Variants in MGME1 observed in about 807,000 individuals in gnomAD.
MGME1 encodes the protein mitochondrial genome maintenance exonuclease 1.
A neutral mutation model predicts 33.0 loss-of-function variants in MGME1; 22 were observed. The observed-to-expected ratio is 0.67, with a 90% confidence interval of 0.48 to 0.95. The LOEUF is 0.95. Ranked by LOEUF, MGME1 falls within the 40% of genes least tolerant of loss-of-function variation. MGME1 has a pLI of 0.00. For missense variants in MGME1, 383 were observed against 397.8 expected, an observed-to-expected ratio of 0.96 and a Z score of 0.32; for synonymous variants, 133 against 144.0, an observed-to-expected ratio of 0.92 and a Z score of 0.55.
At chr20:17,974,805 C>T (rs1278775699) in intron 2 of MGME1, among the ~76,000 whole-genome samples, 5 of 151,966 alleles carry the variant, frequency 3.3e-5, no homozygotes, top group Non-Finnish European at 5.9e-5. Flanking sequence ...AAAAAAAATA[C>T]AGGAGAAGAA....
rs1052444462 is a variant in MGME1, at chr20:17,975,442, A to G, written c.512-242A>G. Reference sequence around the variant, plus strand: ...CACGGTGGCGGGCGCCTGTAATCCCAGCTACTCAGGAGGCTGAGGCAGGAG... The same window carrying G: ...CACGGTGGCGGGCGCCTGTAATCCCGGCTACTCAGGAGGCTGAGGCAGGAG... On this transcript the variant is annotated intron_variant, in intron 2 of 4. Coordinates refer to ENST00000377710, the MANE Select transcript of MGME1 (RefSeq NM_052865.4). Among the ~76,000 whole-genome samples the G allele has an allele frequency of 4.6e-5, 7 of 152,046 alleles. No homozygotes were observed. The South Asian group carries it at 1.2e-3, about 27-fold the overall frequency.
rs1327990268 is a variant in MGME1 at position 17,988,202 on chromosome 20, GA to G, written c.771del (p.Lys257AsnfsTer23). 1.2e-6 allele frequency: 2 copies of G among 1,614,090 alleles called. No individual in the cohort carries two copies. Among genetic ancestry groups the G allele is most frequent in the Admixed American group, 3.3e-5 (2 of 60,006 alleles). ...LCVIDWKTSE[K>X]PKPFIQSTFD... ...GTGTGATTGATTGGAAGACATCAGAGAAACCAAAGCCTTTTATTCAAAGTAC... is the reference window on the plus strand; with the variant it reads ...GTGTGATTGATTGGAAGACATCAGAGAACCAAAGCCTTTTATTCAAAGTAC... On this transcript the variant is annotated frameshift_variant, in exon 4 of 5. Coordinates refer to ENST00000377710, the MANE Select transcript of MGME1 (RefSeq NM_052865.4). LOFTEE classifies it high-confidence loss of function.
chr20:17,985,987 G>C (rs961923170), intron 3 of MGME1, among the ~76,000 whole-genome samples: 1 of 151,952 alleles, frequency 6.6e-6, no homozygotes, highest in African/African-American at 2.4e-5. Context: ...ACTCAAGATT[G>C]CTTTGGCTAT....
chr20:17,988,055 C>A, intron 3 of MGME1, 111 bp from the exon 4 acceptor site: 1 of 1,063,418 alleles, frequency 9.4e-7, no homozygotes, highest in South Asian at 1.7e-5. Context: ...TGAATAAGAG[C>A]AATGGTCATT....
Position 17,990,204 on chromosome 20 carries a change from A to T in MGME1, c.*95A>T, listed in dbSNP as rs1469441745. On this transcript the variant is annotated 3_prime_UTR_variant, in exon 5 of 5. Transcript: ENST00000377710. ...CAGTGTAAAAATGAGGTGCCACTGG[A>T]TCTGAGTGCTACACGAACACAAGTA... 2.9e-6 allele frequency: 3 copies of T among 1,036,948 alleles called. No homozygotes were observed. The highest frequency in any genetic ancestry group is 2.0e-4 in the Middle Eastern group (1 of 4,942). The allele number at this position is 1,036,948 out of a possible 1,614,324, so 64.2% of individuals were successfully genotyped here.
chr20:17,987,891 A>G (rs970956271), intron 3 of MGME1, among the ~76,000 whole-genome samples: 2 of 151,358 alleles, frequency 1.3e-5, no homozygotes, highest in East Asian at 3.9e-4. Flanking sequence ...TGGTTATTTG[A>G]TGCAAAAAAA....
rs2035850241 is a variant in MGME1 at position 17,975,756 on chromosome 20, A to G, written c.584A>G (p.Glu195Gly). The change falls in exon 3 of 5, where the codon GAG becomes GGG. Residue 195 changes from glutamate to glycine, a missense_variant. Glu to Gly is a moderately conservative substitution (Grantham distance 98). Coordinates refer to ENST00000377710, the MANE Select transcript of MGME1 (RefSeq NM_052865.4). ...CTTTCACCCCAGGAAACCTTAAAAG[A>G]GAGAGATGAAAATCTCCTCAAGTCT... ...SILSPQETLK[E>G]RDENLLKSGY... 2 of 1,614,036 alleles carry G rather than the reference A, an allele frequency of 1.2e-6. No individual in the cohort carries two copies. Among genetic ancestry groups the G allele is most frequent in the Non-Finnish European group, 1.7e-6 (2 of 1,180,038 alleles).
At chr20:17,973,131 G>A (rs1044610821) in intron 2 of MGME1, among the ~76,000 whole-genome samples, 1 of 152,036 alleles carries the variant, frequency 6.6e-6, no homozygotes, top group Non-Finnish European at 1.5e-5. Flanking sequence ...GATCACTTGA[G>A]GTCAGGAGTT....
Position 17,975,868 on chromosome 20 carries a change from C to T in MGME1, c.696C>T (p.Asn232=). ...LESAVQHETL[N]YIGLLDCVAE... is the part of the protein sequence containing the mutation. ...GTGCTGTTCAACATGAAACCTTAAA[C>T]TATATAGGTCTGCTGGACTGTGTGG... Residue 232 remains asparagine, a synonymous_variant, in exon 3 of 5, where the codon AAC becomes AAT. Transcript: ENST00000377710. The T allele has an allele frequency of 6.2e-7, 1 of 1,614,030 alleles. No individual in the cohort carries two copies. Among genetic ancestry groups the T allele is most frequent in the South Asian group, 1.1e-5 (1 of 91,082 alleles).
chr20:17,975,614 G>T, intron 2 of MGME1, 70 bp from the exon 3 acceptor site: 1 of 1,096,950 alleles, frequency 9.1e-7, no homozygotes, highest in Non-Finnish European at 1.4e-6. Context: ...GGGCGTTTTA[G>T]AGTATTTGTT....
In MGME1 at chr20:17,975,829, G is replaced by A. The variant is rs1447648657; in HGVS notation, c.657G>A (p.Val219=). 16 of 1,614,186 alleles carry A rather than the reference G, an allele frequency of 9.9e-6. No individual in the cohort carries two copies. Among genetic ancestry groups the A allele is most frequent in the Non-Finnish European group, 1.4e-5 (16 of 1,180,024 alleles). ...VQHILKDVSG[V]RALESAVQHE... Reference sequence around the variant, plus strand: ...ATATTCTGAAAGATGTCAGTGGAGTGCGAGCTCTTGAAAGTGCTGTTCAAC... The same window carrying A: ...ATATTCTGAAAGATGTCAGTGGAGTACGAGCTCTTGAAAGTGCTGTTCAAC... Residue 219 remains valine, a synonymous_variant, in exon 3 of 5, where the codon GTG becomes GTA. Coordinates refer to ENST00000377710, the MANE Select transcript of MGME1 (RefSeq NM_052865.4).
Position 17,978,465 on chromosome 20 carries a change from A to G in MGME1, c.731+2562A>G, listed in dbSNP as rs925743858. ...GGTGATCCACCCACCTCAGCCTCCC[A>G]AAGTGCTGAGATTACAGACGTGAGC... On this transcript the variant is annotated intron_variant, in intron 3 of 4. Coordinates refer to ENST00000377710, the MANE Select transcript of MGME1 (RefSeq NM_052865.4). Among the ~76,000 whole-genome samples the G allele has an allele frequency of 2.0e-5, 3 of 152,144 alleles. No homozygotes were observed. In the East Asian group the frequency reaches 5.8e-4, roughly 29 times the overall value.
At chr20:17,968,657 C>T (rs929294478), upstream of MGME1, 11 of 606,604 alleles carry the variant, frequency 1.8e-5, no homozygotes, top group Admixed American at 4.9e-5. Context: ...GTCCCCGCTG[C>T]CGTCCATCTT....
intron 3 of MGME1, among the ~76,000 whole-genome samples, chr20:17,981,536 T>C (rs2036017529): frequency 6.6e-6 from 1 of 152,236 alleles, no homozygotes; most frequent in African/African-American, 2.4e-5. Context: ...TAGAAATAAT[T>C]CTTGCTGTGT....
In MGME1 at chr20:17,969,707, GCT is replaced by G. The variant is rs945022169; in HGVS notation, c.-59-91_-59-90del. 9.5e-6 allele frequency: 7 copies of G among 734,750 alleles called. No individual in the cohort carries two copies. The African/African-American group carries it at 1.2e-4, about 13-fold the overall frequency. 45.5% of individuals were successfully genotyped at this position (734,750 alleles called of 1,614,324 possible). A position where few individuals can be genotyped will look rare whatever the true frequency, so the allele number is the denominator to read the frequency against. ...GCTCTGTCGACTTTCTTAAGAAAGG[GCT>G]CTGTCCAAACATGTCGAAAAAGTTC... On this transcript the variant is annotated intron_variant, in intron 1 of 4. Coordinates refer to ENST00000377710, the MANE Select transcript of MGME1 (RefSeq NM_052865.4).
At chr20:17,968,739 C>A (rs2035623709), upstream of MGME1, 1 of 404,480 alleles carries the variant, frequency 2.5e-6, no homozygotes, top group East Asian at 4.9e-5. Flanking sequence ...ACCGCAGGGC[C>A]GCGACACGGA....
chr20:17,975,595 A>G, intron 2 of MGME1, 89 bp from the exon 3 acceptor site: 12 of 867,134 alleles, frequency 1.4e-5, no homozygotes, highest in Non-Finnish European at 1.8e-5. Context: ...TTTTAATTGT[A>G]TTGTTTCAGG....
intron 1 of MGME1, among the ~76,000 whole-genome samples, chr20:17,969,457 AGTC>A (rs1389579961): frequency 2.0e-5 from 3 of 152,244 alleles, no homozygotes; most frequent in Non-Finnish European, 4.4e-5. Flanking sequence ...TCTAGGAATT[AGTC>A]GTCGTCTGTC....
chr20:17,977,491 A>G (rs1407438520), intron 3 of MGME1, among the ~76,000 whole-genome samples: 1 of 152,196 alleles, frequency 6.6e-6, no homozygotes, highest in Non-Finnish European at 1.5e-5. Context: ...CTCCATAGAC[A>G]GAGCAGGGCG....
Sources: gnomAD v4.1 joint callset for allele counts (sites outside exome capture counted in the v4.1 genomes callset) on GRCh38, gnomAD v4.1.1 for gene constraint, MANE v1.5 for transcripts, NCBI Gene and HGNC (gene_info 2026-07-23, HGNC 2026-07-21) for gene names.